CACHD1: variants seen among roughly 807,000 people sequenced by gnomAD.
CACHD1 encodes the protein cache domain containing 1.
Under a neutral mutation model 138.7 loss-of-function variants are expected in CACHD1, and 71 were observed. That is an observed-to-expected ratio of 0.51 (90% CI 0.42 to 0.62). The LOEUF (loss-of-function observed/expected upper bound fraction) is 0.62. Ranked by LOEUF, CACHD1 falls within the 20% of genes least tolerant of loss-of-function variation. CACHD1 has a pLI of 0.00. For missense variants in CACHD1, 1,389 were observed against 1,625.3 expected, an observed-to-expected ratio of 0.85 and a Z score of 2.50; for synonymous variants, 578 against 591.5, an observed-to-expected ratio of 0.98 and a Z score of 0.33.
intron 1 of CACHD1, among the ~76,000 whole-genome samples, chr1:64,516,483 A>G (rs1293233675): frequency 2.0e-5 from 3 of 152,224 alleles, no homozygotes; most frequent in African/African-American, 7.2e-5. Context: ...CACGCTAGGT[A>G]CTTAGTAAAT....
chr1:64,664,411 A>C lies in CACHD1; in HGVS notation c.2095-87A>C, dbSNP rs532568442. 5.8e-5 allele frequency: 77 copies of C among 1,334,340 alleles called. No homozygotes were observed. The African/African-American group carries it at 1.0e-3, about 17-fold the overall frequency. 82.7% of individuals were successfully genotyped at this position (1,334,340 alleles called of 1,614,324 possible). On this transcript the variant is annotated intron_variant, in intron 14 of 26. Transcript: ENST00000651257. ...AGTAATTCGGCTTGGCTTCTCTGCA[A>C]CAGAGCTTTGGGAACACTGCCAGCA...
At chr1:64,660,195 C>G (rs576634625) in intron 13 of CACHD1, among the ~76,000 whole-genome samples, 1 of 152,324 alleles carries the variant, frequency 6.6e-6, no homozygotes, top group African/African-American at 2.4e-5. Flanking sequence ...TGTGAGCAAG[C>G]TACTGCTGGT....
chr1:64,658,791 C>T lies in CACHD1; in HGVS notation c.1869C>T (p.Pro623=). Residue 623 remains proline, a synonymous_variant, in exon 13 of 27, where the codon CCC becomes CCT. Coordinates refer to ENST00000651257, the MANE Select transcript of CACHD1 (RefSeq NM_020925.4). ...VKQLKNLNTV[P]SSKLLYHRLD... is the part of the protein sequence containing the mutation. ...AACTGAAGAACCTCAACACTGTTCC[C>T]AGCAGCAAGCTGCTGTACCACCGGC... 1.9e-6 allele frequency: 3 copies of T among 1,605,854 alleles called. No individual in the cohort carries two copies. Among genetic ancestry groups the T allele is most frequent in the Non-Finnish European group, 2.6e-6 (3 of 1,175,146 alleles).
At chr1:64,666,992 C>G (rs1189396410) in intron 16 of CACHD1, among the ~76,000 whole-genome samples, 1 of 151,278 alleles carries the variant, frequency 6.6e-6, no homozygotes, top group East Asian at 1.9e-4. Context: ...GTCCTTGAAA[C>G]TATCTCTTGA....
intron 4 of CACHD1, among the ~76,000 whole-genome samples, chr1:64,618,972 T>C (rs1039289438): frequency 6.6e-6 from 1 of 152,186 alleles, no homozygotes; most frequent in Non-Finnish European, 1.5e-5. Context: ...ATGTTCTGTG[T>C]GTCCCTACCT....
intron 2 of CACHD1, among the ~76,000 whole-genome samples, chr1:64,554,148 C>T (rs1213505252): frequency 2.6e-5 from 4 of 152,198 alleles, no homozygotes; most frequent in Non-Finnish European, 5.9e-5. Flanking sequence ...CCTCCTGCCT[C>T]AGCCTCCCGA....
chr1:64,500,224 C>G (rs776766821), intron 1 of CACHD1, among the ~76,000 whole-genome samples: 2 of 152,140 alleles, frequency 1.3e-5, no homozygotes, highest in Non-Finnish European at 2.9e-5. Flanking sequence ...CATGACTCCA[C>G]CTACCTGCAA....
Position 64,473,323 on chromosome 1 carries a change from A to G in CACHD1, c.198+2381A>G, listed in dbSNP as rs12038015. Among the ~76,000 whole-genome samples, 37 of 150,076 alleles carry G rather than the reference A, an allele frequency of 2.5e-4. 1 individual carries two copies. In the East Asian group the frequency reaches 7.0e-3, roughly 29 times the overall value. ...TTTTTAATTTAGTTAGACTGGTCGG[A>G]AAAAAAAAAGTCGAATGCAGGTTAG... On this transcript the variant is annotated intron_variant, in intron 1 of 26. Coordinates refer to ENST00000651257, the MANE Select transcript of CACHD1 (RefSeq NM_020925.4).
In CACHD1 at chr1:64,675,381, A is replaced by C; in HGVS notation, c.2728-20A>C. 4.5e-6 allele frequency: 7 copies of C among 1,547,030 alleles called. No individual in the cohort carries two copies. The highest frequency in any genetic ancestry group is 6.2e-6 in the Non-Finnish European group (7 of 1,129,720). On this transcript the variant is annotated intron_variant, in intron 19 of 26. Transcript: ENST00000651257. ...TTTGCATTGCTGTCTGTCATTTCTGATACCTTGATTGTTCTGTAGGGGGAT... is the reference window on the plus strand; with the variant it reads ...TTTGCATTGCTGTCTGTCATTTCTGCTACCTTGATTGTTCTGTAGGGGGAT...
chr1:64,564,859 C>T (rs1386271707), intron 2 of CACHD1, among the ~76,000 whole-genome samples: 1 of 152,028 alleles, frequency 6.6e-6, no homozygotes, highest in Non-Finnish European at 1.5e-5. Context: ...AAACACTTTC[C>T]ACTATAAGAA....
At chr1:64,515,061 G>A (rs1284433775) in intron 1 of CACHD1, among the ~76,000 whole-genome samples, 2 of 152,114 alleles carry the variant, frequency 1.3e-5, no homozygotes, top group African/African-American at 2.4e-5. Context: ...ACTGCATACA[G>A]TATTGGATTA....
intron 1 of CACHD1, among the ~76,000 whole-genome samples, chr1:64,545,963 T>G (rs1646715109): frequency 6.6e-6 from 1 of 152,238 alleles, no homozygotes; most frequent in Non-Finnish European, 1.5e-5. Context: ...TTAAAACTCC[T>G]CACCTATTTT....
chr1:64,538,465 T>G (rs1181499165), intron 1 of CACHD1, among the ~76,000 whole-genome samples: 1 of 152,196 alleles, frequency 6.6e-6, no homozygotes, highest in Non-Finnish European at 1.5e-5. Flanking sequence ...GTCTAGCAAT[T>G]GGCATGTCAG....
chr1:64,647,063 T>TA (rs536997765), intron 8 of CACHD1, among the ~76,000 whole-genome samples: 17,540 of 124,274 alleles, frequency 0.14, 1,501 homozygotes, highest in African/African-American at 0.28. Context: ...AATAGCAAAC[T>TA]AAAAAAAAAA....
At chr1:64,662,223 T>A (rs1444555599) in intron 13 of CACHD1, among the ~76,000 whole-genome samples, 2 of 152,210 alleles carry the variant, frequency 1.3e-5, no homozygotes, top group African/African-American at 4.8e-5. Context: ...TGGCAGAGAT[T>A]CTAAAAGACT....
rs1026441092 is a variant in CACHD1, at chr1:64,597,290, TGAA to T, written c.411-5514_411-5512del. Among the ~76,000 whole-genome samples the T allele has an allele frequency of 3.1e-4, 47 of 152,182 alleles. 1 individual carries two copies. Among genetic ancestry groups the T allele is most frequent in the Admixed American group, 2.6e-4 (4 of 15,282 alleles). On this transcript the variant is annotated intron_variant, in intron 3 of 26. Coordinates refer to ENST00000651257, the MANE Select transcript of CACHD1 (RefSeq NM_020925.4). ...CTGATCTCCTGCTTGTAAATCCTGT[TGAA>T]GGAGAATAAAAATGACTGCAGCCTG...
At position 64,679,641 on chromosome 1, in the gene CACHD1, T is replaced by C; in HGVS notation, c.3291T>C (p.Gly1097=). The change falls in exon 24 of 27, where the codon GGT becomes GGC. Residue 1097 remains glycine (G), a synonymous_variant. Transcript: ENST00000651257. ...ACATGATTAAAAGCGCCCCTGTGGG[T>C]CCTGTGGCTGGAGGGATCATGGGAT... The part of the protein sequence containing the change: ...TLNMIKSAPV[G]PVAGGIMGCI... 1.2e-6 allele frequency: 2 copies of C among 1,614,150 alleles called. No individual in the cohort carries two copies. The highest frequency in any genetic ancestry group is 1.7e-6 in the Non-Finnish European group (2 of 1,180,018).
At chr1:64,595,004 A>G (rs999681499) in intron 3 of CACHD1, among the ~76,000 whole-genome samples, 1 of 152,210 alleles carries the variant, frequency 6.6e-6, no homozygotes, top group African/African-American at 2.4e-5. Flanking sequence ...CTTTTGTAGA[A>G]TCAGCCATAA....
At chr1:64,588,731 C>T (rs1647073112) in intron 3 of CACHD1, among the ~76,000 whole-genome samples, 1 of 152,022 alleles carries the variant, frequency 6.6e-6, no homozygotes, top group Non-Finnish European at 1.5e-5. Flanking sequence ...TATTTCTTTC[C>T]CCAATTTCTT....
Sources: allele counts gnomAD v4.1 joint callset (sites outside exome capture counted in the v4.1 genomes callset), GRCh38; gene constraint gnomAD v4.1.1; transcripts MANE v1.5; gene names NCBI Gene and HGNC (gene_info 2026-07-23, HGNC 2026-07-21).